The following PRR16 variants were observed in gnomAD, a reference collection of about 807,000 sequenced individuals.
PRR16 encodes the protein proline rich 16.
In PRR16, 6 loss-of-function variants were observed where a neutral mutation model predicts 18.2. The observed-to-expected ratio is 0.33, with a 90% CI of 0.18 to 0.65. The LOEUF (loss-of-function observed/expected upper bound fraction) is 0.65. Ranked by LOEUF, PRR16 falls within the 30% of genes least tolerant of loss-of-function variation. The pLI is 0.74. For missense variants in PRR16, 412 were observed against 376.6 expected (o/e 1.09, Z -0.78); for synonymous variants, 151 against 147.8 (o/e 1.02, Z -0.16).
chr5:120,726,645 TA>T, the PRR16 span, among the ~76,000 whole-genome samples: 2 of 152,102 alleles, frequency 1.3e-5, no homozygotes, highest in Admixed American at 1.3e-4. Context: ...TGATAGTTAA[TA>T]ATGCCTTGAA....
At chr5:120,587,868 T>C (rs1753499987) in intron 1 of PRR16, among the ~76,000 whole-genome samples, 1 of 152,208 alleles carries the variant, frequency 6.6e-6, no homozygotes, top group Non-Finnish European at 1.5e-5. Flanking sequence ...GTAATTCTTC[T>C]GATGGATATG....
At chr5:120,759,744 AT>A in the PRR16 span, among the ~76,000 whole-genome samples, 1 of 152,194 alleles carries the variant, frequency 6.6e-6, no homozygotes. Flanking sequence ...TAAATTAAAT[AT>A]GAAACAATCT....
chr5:120,474,272 T>C lies in PRR16; in HGVS notation c.159+9627T>C, dbSNP rs1323358935. 3.3e-5 allele frequency among the ~76,000 whole-genome samples: 5 copies of C among 152,290 alleles called. No individual in the cohort carries two copies. The East Asian group carries it at 9.7e-4, about 29-fold the overall frequency. ...CTCAAACTCTGCACTATTGACATATTGAGTGGATAATTCTTTGTTGGGGGG... is the reference window on the plus strand; with the variant it reads ...CTCAAACTCTGCACTATTGACATATCGAGTGGATAATTCTTTGTTGGGGGG... On this transcript the variant is annotated intron_variant, in intron 1 of 1. Transcript: ENST00000407149.
intron 1 of PRR16, among the ~76,000 whole-genome samples, chr5:120,502,020 G>C (rs1338671636): frequency 2.1e-5 from 3 of 144,964 alleles, no homozygotes; most frequent in Non-Finnish European, 4.5e-5. Context: ...CTGTGGAAGA[G>C]AAGGGGGACT....
intron 1 of PRR16, among the ~76,000 whole-genome samples, chr5:120,641,383 G>T (rs1755417990): frequency 6.6e-6 from 1 of 152,096 alleles, no homozygotes; most frequent in Non-Finnish European, 1.5e-5. Context: ...ATAAGCAACA[G>T]TGGAAATATG....
chr5:120,778,127 G>T, the PRR16 span, among the ~76,000 whole-genome samples: 1 of 151,930 alleles, frequency 6.6e-6, no homozygotes, highest in South Asian at 2.1e-4. Context: ...AAGTTTAATG[G>T]CAATAAAGAC....
the PRR16 span, among the ~76,000 whole-genome samples, chr5:120,721,650 C>G: frequency 6.6e-6 from 1 of 151,912 alleles, no homozygotes; most frequent in Non-Finnish European, 1.5e-5. Flanking sequence ...TTATATGGGA[C>G]TTTCAAAGCC....
chr5:120,725,575 A>T, the PRR16 span, among the ~76,000 whole-genome samples: 1 of 151,874 alleles, frequency 6.6e-6, no homozygotes, highest in Non-Finnish European at 1.5e-5. Context: ...TGCTTGGAAA[A>T]CTGAGGCAGA....
the PRR16 span, among the ~76,000 whole-genome samples, chr5:120,755,576 G>T: frequency 1.3e-5 from 2 of 152,110 alleles, no homozygotes; most frequent in Non-Finnish European, 2.9e-5. Context: ...CCATTTTTAT[G>T]GCTGCATAGT....
chr5:120,492,076 T>A (rs2112828930), intron 1 of PRR16, among the ~76,000 whole-genome samples: 1 of 150,242 alleles, frequency 6.7e-6, no homozygotes, highest in African/African-American at 2.5e-5. Context: ...TTACTGTTTT[T>A]TATTTGTTTG....
At chr5:120,569,965 G>A (rs1046679053) in intron 1 of PRR16, among the ~76,000 whole-genome samples, 1 of 152,084 alleles carries the variant, frequency 6.6e-6, no homozygotes, top group African/African-American at 2.4e-5. Context: ...CAATTCCAAG[G>A]ATAGAATTCA....
the PRR16 span, among the ~76,000 whole-genome samples, chr5:120,723,982 A>C: frequency 1.3e-5 from 2 of 151,844 alleles, no homozygotes; most frequent in African/African-American, 4.8e-5. Flanking sequence ...TTAAAAAAAA[A>C]ACACAAAACT....
the PRR16 span, among the ~76,000 whole-genome samples, chr5:120,782,701 AAG>A: frequency 7.9e-5 from 12 of 152,114 alleles, no homozygotes; most frequent in Non-Finnish European, 2.9e-5. Context: ...CTGGATGAGA[AAG>A]AAAGAGCTTT....
intron 1 of PRR16, among the ~76,000 whole-genome samples, chr5:120,505,447 G>A (rs1580660460): frequency 6.6e-6 from 1 of 152,058 alleles, no homozygotes; most frequent in East Asian, 1.9e-4. Flanking sequence ...TTCCCAAATG[G>A]GCTCCTTTGT....
At chr5:120,469,753 A>T (rs774621463) in intron 1 of PRR16, among the ~76,000 whole-genome samples, 1 of 152,206 alleles carries the variant, frequency 6.6e-6, no homozygotes. Context: ...TGGTATATTT[A>T]CCAAATGCTA....
At chr5:120,730,602 G>C in the PRR16 span, among the ~76,000 whole-genome samples, 1 of 152,168 alleles carries the variant, frequency 6.6e-6, no homozygotes, top group Middle Eastern at 3.4e-3. Context: ...TGCTGGATAA[G>C]GAGTCCAGCA....
At chr5:120,761,412 G>A in the PRR16 span, among the ~76,000 whole-genome samples, 2 of 152,088 alleles carry the variant, frequency 1.3e-5, no homozygotes, top group Non-Finnish European at 2.9e-5. Flanking sequence ...ACTACCCCTA[G>A]ACTATATCTC....
chr5:120,686,818 C>A lies in PRR16; in HGVS notation c.*109C>A. The A allele has an allele frequency of 1.1e-6, 1 of 922,572 alleles. No homozygotes were observed. Among genetic ancestry groups the A allele is most frequent in the Non-Finnish European group, 1.5e-6 (1 of 675,910 alleles). The allele number at this position is 922,572 out of a possible 1,614,324, so 57.1% of individuals were successfully genotyped here. ...AAAAAGCCCAAATATATTAATCCTG[C>A]ATTCAGCAAAGTGGCATAAAAATCA... On this transcript the variant is annotated 3_prime_UTR_variant, in exon 2 of 2. Transcript: ENST00000407149.
chr5:120,749,780 T>G, the PRR16 span, among the ~76,000 whole-genome samples: 3 of 152,164 alleles, frequency 2.0e-5, no homozygotes, highest in African/African-American at 7.2e-5. Context: ...GAAAGGAATA[T>G]GCACATGGAT....
Sources: gnomAD v4.1 joint callset for allele counts (sites outside exome capture counted in the v4.1 genomes callset) on GRCh38, gnomAD v4.1.1 for gene constraint, MANE v1.5 for transcripts, NCBI Gene and HGNC (gene_info 2026-07-23, HGNC 2026-07-21) for gene names.